Variants in PDE10A observed in about 807,000 individuals in gnomAD.
PDE10A encodes the protein phosphodiesterase 10A.
In PDE10A, 39 loss-of-function variants were observed where a neutral mutation model predicts 97.7. The ratio of observed to expected loss-of-function variants is 0.40; its 90% confidence interval spans 0.31 to 0.52. The LOEUF is 0.52. PDE10A is among the 20% of genes least tolerant of loss of function. The pLI is 0.56. For synonymous variants in PDE10A, 371 were observed against 376.8 expected (o/e 0.98, Z 0.18); for missense variants, 731 against 1,047.8 (o/e 0.70, Z 4.17).
intron 1 of PDE10A, among the ~76,000 whole-genome samples, chr6:165,600,660 G>C (rs1786891168): frequency 6.6e-6 from 1 of 152,114 alleles, no homozygotes; most frequent in African/African-American, 2.4e-5. Flanking sequence ...GTGTCTCAGT[G>C]ATCTTCCCTA....
chr6:165,689,904 GT>G (rs1235021355), intron 1 of PDE10A, among the ~76,000 whole-genome samples: 1 of 152,118 alleles, frequency 6.6e-6, no homozygotes, highest in Non-Finnish European at 1.5e-5. Context: ...CTGCCACCGG[GT>G]GAGTACAATG....
chr6:165,509,594 T>TA (rs1043188947), intron 2 of PDE10A, among the ~76,000 whole-genome samples: 1 of 151,896 alleles, frequency 6.6e-6, no homozygotes, highest in African/African-American at 2.4e-5. Flanking sequence ...GGATTTTTTT[T>TA]TTTTATTTTT....
At chr6:165,567,985 C>T (rs1211061411) in intron 1 of PDE10A, among the ~76,000 whole-genome samples, 1 of 137,920 alleles carries the variant, frequency 7.3e-6, no homozygotes, top group Non-Finnish European at 1.6e-5. Flanking sequence ...AATAGGTACG[C>T]AACAAGGCAT....
At chr6:165,627,856 A>G (rs968714024) in intron 1 of PDE10A, among the ~76,000 whole-genome samples, 8 of 152,248 alleles carry the variant, frequency 5.3e-5, no homozygotes, top group African/African-American at 1.9e-4. Flanking sequence ...ATTCATCTGA[A>G]TGAAATCTGA....
chr6:165,847,728 G>A (rs1780459796), intron 1 of PDE10A, among the ~76,000 whole-genome samples: 1 of 152,222 alleles, frequency 6.6e-6, no homozygotes, highest in Non-Finnish European at 1.5e-5. Flanking sequence ...TGGGTTGGTT[G>A]GGTTTTTGTT....
At chr6:165,799,379 T>G (rs1030922938) in intron 1 of PDE10A, among the ~76,000 whole-genome samples, 19 of 152,128 alleles carry the variant, frequency 1.2e-4, no homozygotes, top group African/African-American at 3.6e-4. Flanking sequence ...TGAAGGGCAT[T>G]TTTTTTTGTC....
At chr6:165,344,214 A>G (rs1019648530) in intron 18 of PDE10A, among the ~76,000 whole-genome samples, 5 of 152,180 alleles carry the variant, frequency 3.3e-5, no homozygotes, top group African/African-American at 9.7e-5. Flanking sequence ...AAGAAAAATA[A>G]TAACTTAAAA....
At chr6:165,460,138 T>C (rs1778233670) in intron 3 of PDE10A, among the ~76,000 whole-genome samples, 1 of 152,132 alleles carries the variant, frequency 6.6e-6, no homozygotes, top group Non-Finnish European at 1.5e-5. Flanking sequence ...CCGCAGTAGA[T>C]TTATGCTGCA....
chr6:165,816,200 T>C (rs1874196), intron 1 of PDE10A, among the ~76,000 whole-genome samples: 137 of 152,166 alleles, frequency 9.0e-4, no homozygotes, highest in Non-Finnish European at 9.6e-4. Context: ...CTGCCCGCCT[T>C]GGCCTCCCAA....
At chr6:165,431,522 A>AT in intron 7 of PDE10A, 50 bp from the exon 8 acceptor site, 2 of 751,956 alleles carry the variant, frequency 2.7e-6, no homozygotes, top group Non-Finnish European at 4.3e-6. Context: ...CATAACGTAT[A>AT]TATATATACT....
chr6:165,758,548 A>AGAG lies in PDE10A; in HGVS notation c.-614-214981_-614-214980insCTC, dbSNP rs1225218082. ...AAGAAGAAGAGGAAGAGGAAGAGGA[A>AGAG]GAAGAAGAGGAAGAGGAAGAAGAAG... On this transcript the variant is annotated intron_variant, in intron 1 of 19. Coordinates refer to the PDE10A transcript ENST00000366882. 3.2e-4 allele frequency among the ~76,000 whole-genome samples: 35 copies of AGAG among 108,876 alleles called. 1 individual carries two copies. The highest frequency in any genetic ancestry group is 9.1e-4 in the African/African-American group (30 of 33,098). The allele number at this position is 108,876 out of a possible 152,430, so 71.4% of individuals were successfully genotyped here.
At chr6:165,730,962 C>T (rs1269590941) in intron 1 of PDE10A, among the ~76,000 whole-genome samples, 3 of 152,136 alleles carry the variant, frequency 2.0e-5, no homozygotes, top group Non-Finnish European at 4.4e-5. Context: ...AGGAGAATCG[C>T]TTGAACCAGG....
intron 1 of PDE10A, among the ~76,000 whole-genome samples, chr6:165,691,102 T>TCTCTCTCC (rs1791265920): frequency 2.9e-5 from 1 of 34,032 alleles, no homozygotes; most frequent in Non-Finnish European, 6.5e-5. Flanking sequence ...TCTCTCTTTC[T>TCTCTCTCC]CTCTCCCCCC....
At position 165,400,238 on chromosome 6, in the gene PDE10A, GA is replaced by G. The variant is rs201339152; in HGVS notation, c.2077-3780del. On this transcript the variant is annotated intron_variant, in intron 13 of 21. Coordinates refer to ENST00000539869, the MANE Select transcript of PDE10A (RefSeq NM_001385079.1). ...AGAACCTAAAACTATAAAACTTCTA[GA>G]AAAAAAAAACAGAGGAGAAATGTCT... 1.2e-3 allele frequency among the ~76,000 whole-genome samples: 171 copies of G among 145,276 alleles called. 1 individual carries two copies. Among genetic ancestry groups the G allele is most frequent in the South Asian group, 5.9e-3 (27 of 4,600 alleles).
intron 1 of PDE10A, among the ~76,000 whole-genome samples, chr6:165,860,470 AAAAC>A (rs1326307166): frequency 9.9e-5 from 15 of 152,116 alleles, no homozygotes; most frequent in African/African-American, 3.6e-4. Flanking sequence ...AAAACAAAAC[AAAAC>A]AAACAAACAA....
chr6:165,601,796 T>C (rs1332137240), intron 1 of PDE10A, among the ~76,000 whole-genome samples: 3 of 152,168 alleles, frequency 2.0e-5, no homozygotes, highest in Admixed American at 1.3e-4. Context: ...TAATTAATTA[T>C]AGTTTATAAT....
chr6:165,592,203 G>A (rs1179254325), intron 1 of PDE10A, among the ~76,000 whole-genome samples: 1 of 152,022 alleles, frequency 6.6e-6, no homozygotes, highest in Non-Finnish European at 1.5e-5. Context: ...AACAAGCATT[G>A]GGGAAAGGAT....
chr6:165,894,241 T>G (rs933392241), intron 1 of PDE10A: 3 of 454,714 alleles, frequency 6.6e-6, no homozygotes, highest in South Asian at 4.7e-5. Context: ...GTCTGTCCTG[T>G]GACATGGTGG....
At chr6:165,869,552 T>A (rs546706373) in intron 1 of PDE10A, among the ~76,000 whole-genome samples, 130 of 152,236 alleles carry the variant, frequency 8.5e-4, no homozygotes, top group African/African-American at 3.0e-3. Context: ...ATGCGTCCCC[T>A]ATCAAAATAC....
Sources: gnomAD v4.1 joint callset for allele counts (sites outside exome capture counted in the v4.1 genomes callset) on GRCh38, gnomAD v4.1.1 for gene constraint, MANE v1.5 for transcripts, NCBI Gene and HGNC (gene_info 2026-07-23, HGNC 2026-07-21) for gene names.